Variants in LRRTM3 observed in about 807,000 individuals in gnomAD.
The protein encoded by LRRTM3 is leucine-rich repeat transmembrane neuronal protein 3.
A neutral mutation model predicts 44.7 loss-of-function variants in LRRTM3; 24 were observed. The ratio of observed to expected loss-of-function variants is 0.54; its 90% CI spans 0.39 to 0.76. The LOEUF (loss-of-function observed/expected upper bound fraction) is 0.76, where lower values mean the gene tolerates loss of function less well. Among genes scored for constraint, LRRTM3 ranks in the 30% least tolerant of loss-of-function variants. The pLI is 0.00. For missense variants in LRRTM3, 587 were observed against 702.2 expected, an observed-to-expected ratio of 0.84 and a Z score of 1.85; for synonymous variants, 277 against 278.7, an observed-to-expected ratio of 0.99 and a Z score of 0.06.
chr10:67,021,601 G>A (rs1412340935), intron 2 of LRRTM3, among the ~76,000 whole-genome samples: 1 of 151,884 alleles, frequency 6.6e-6, no homozygotes, highest in Non-Finnish European at 1.5e-5. Context: ...AGTGATATGA[G>A]AAACATGTAA....
chr10:67,049,202 T>C (rs1374542960), intron 2 of LRRTM3, among the ~76,000 whole-genome samples: 12 of 152,076 alleles, frequency 7.9e-5, no homozygotes, highest in Admixed American at 7.9e-4. Context: ...AAGATGATGA[T>C]GGTAGAAACA....
At chr10:67,041,555 T>G (rs1854395996) in intron 2 of LRRTM3, among the ~76,000 whole-genome samples, 1 of 152,138 alleles carries the variant, frequency 6.6e-6, no homozygotes. Context: ...GGAAAACAAG[T>G]ATAGTAATTG....
intron 2 of LRRTM3, among the ~76,000 whole-genome samples, chr10:66,964,814 T>C (rs1011771578): frequency 4.6e-5 from 7 of 152,068 alleles, no homozygotes; most frequent in African/African-American, 1.7e-4. Context: ...TGCAAACCCA[T>C]CCAGCTTTGC....
chr10:66,971,799 G>T (rs986756336), intron 2 of LRRTM3, among the ~76,000 whole-genome samples: 68 of 152,082 alleles, frequency 4.5e-4, no homozygotes, highest in African/African-American at 1.6e-3. Flanking sequence ...AAGAGACCCT[G>T]TCATCTCTAC....
At chr10:66,957,655 C>A (rs1020512415) in intron 2 of LRRTM3, among the ~76,000 whole-genome samples, 1 of 151,570 alleles carries the variant, frequency 6.6e-6, no homozygotes, top group African/African-American at 2.4e-5. Context: ...AAAGTTAATC[C>A]AGCAAACCTT....
intron 2 of LRRTM3, among the ~76,000 whole-genome samples, chr10:67,032,586 C>T (rs991556988): frequency 6.6e-6 from 1 of 152,138 alleles, no homozygotes; most frequent in African/African-American, 2.4e-5. Context: ...AGGTATTAAG[C>T]ATCAGACAGA....
Position 66,994,153 on chromosome 10 carries a change from T to G in LRRTM3, c.1536+65701T>G, listed in dbSNP as rs563598656. Among the ~76,000 whole-genome samples the G allele has an allele frequency of 7.9e-5, 12 of 152,280 alleles. No homozygotes were observed. The East Asian group carries it at 2.3e-3, about 29-fold the overall frequency. ...GTGAGTTGCCATCACTATATTCTTA[T>G]AGAAGGTCCCTCGTATAAAAACCAG... On this transcript the variant is annotated intron_variant, in intron 2 of 2. Transcript: ENST00000361320.
At chr10:67,025,147 AG>A (rs1468556164) in intron 2 of LRRTM3, among the ~76,000 whole-genome samples, 6 of 148,246 alleles carry the variant, frequency 4.0e-5, no homozygotes, top group African/African-American at 1.5e-4. Flanking sequence ...AAAAAAAAAA[AG>A]AAAGAAAGGA....
intron 2 of LRRTM3, among the ~76,000 whole-genome samples, chr10:67,093,760 T>G (rs1857806262): frequency 6.6e-6 from 1 of 152,004 alleles, no homozygotes; most frequent in Non-Finnish European, 1.5e-5. Flanking sequence ...CATATGCAGA[T>G]TTTAATTTCT....
chr10:66,995,680 A>G (rs1239118482), intron 2 of LRRTM3, among the ~76,000 whole-genome samples: 1 of 152,058 alleles, frequency 6.6e-6, no homozygotes, highest in African/African-American at 2.4e-5. Flanking sequence ...GACAACTAAG[A>G]CTCAGACTCA....
chr10:66,981,987 A>G (rs75875238), intron 2 of LRRTM3, among the ~76,000 whole-genome samples: 1,955 of 152,276 alleles, frequency 0.013, 40 homozygotes, highest in African/African-American at 0.045. Context: ...AGGTTATGAG[A>G]TTGCTCTTGG....
intron 2 of LRRTM3, among the ~76,000 whole-genome samples, chr10:67,031,752 A>G (rs948313692): frequency 6.6e-6 from 1 of 152,166 alleles, no homozygotes. Context: ...TGTGTTAAAG[A>G]TCTAAGAAAT....
chr10:67,095,128 C>T (rs149790093), intron 2 of LRRTM3, among the ~76,000 whole-genome samples: 2,514 of 151,428 alleles, frequency 0.017, 60 homozygotes, highest in Non-Finnish European at 0.018. Context: ...TTTTCAAAAT[C>T]ATTTAGGTCA....
At chr10:67,097,511 A>C (rs1858076487) in intron 2 of LRRTM3, 76 bp from the exon 3 acceptor site, 1 of 1,321,796 alleles carries the variant, frequency 7.6e-7, no homozygotes, top group Non-Finnish European at 1.1e-6. Context: ...TCAGGTCAGC[A>C]CTTCAGTCTC....
chr10:66,946,926 C>A (rs1471184903), intron 2 of LRRTM3, among the ~76,000 whole-genome samples: 2 of 152,170 alleles, frequency 1.3e-5, no homozygotes, highest in East Asian at 3.9e-4. Flanking sequence ...CTTTTCTTGG[C>A]GCTGGTAAAT....
At chr10:66,983,734 T>C (rs1371191559) in intron 2 of LRRTM3, among the ~76,000 whole-genome samples, 1 of 152,188 alleles carries the variant, frequency 6.6e-6, no homozygotes, top group Non-Finnish European at 1.5e-5. Flanking sequence ...AATTATCCCA[T>C]GATACAGTTT....
intron 2 of LRRTM3, among the ~76,000 whole-genome samples, chr10:66,981,413 T>C (rs1208002056): frequency 6.6e-6 from 1 of 152,234 alleles, no homozygotes; most frequent in Non-Finnish European, 1.5e-5. Flanking sequence ...GGATTTTGAG[T>C]CCCTTTGAAT....
chr10:67,081,097 G>A (rs1351200492), intron 2 of LRRTM3, among the ~76,000 whole-genome samples: 2 of 152,120 alleles, frequency 1.3e-5, no homozygotes, highest in Non-Finnish European at 2.9e-5. Context: ...TTTTAATAAT[G>A]TCTAAATGTT....
intron 2 of LRRTM3, among the ~76,000 whole-genome samples, chr10:67,071,222 T>A (rs1179431710): frequency 6.6e-6 from 1 of 152,124 alleles, no homozygotes; most frequent in Non-Finnish European, 1.5e-5. Flanking sequence ...ATTTCCAAGG[T>A]TCTATTTAGG....
Sources: gnomAD v4.1 joint callset for allele counts (sites outside exome capture counted in the v4.1 genomes callset) on GRCh38, gnomAD v4.1.1 for gene constraint, MANE v1.5 for transcripts, NCBI Gene and HGNC (gene_info 2026-07-23, HGNC 2026-07-21) for gene names.